TMEM65: variants seen among roughly 807,000 people sequenced by gnomAD.
TMEM65 encodes transmembrane protein 65.
Under a neutral mutation model 25.4 loss-of-function variants are expected in TMEM65, and 22 were observed. The observed-to-expected ratio is 0.86, with a 90% CI of 0.62 to 1.23. TMEM65 has a LOEUF of 1.23. Among genes scored for constraint, TMEM65 ranks in the 50% most tolerant of loss-of-function variants. The probability of loss-of-function intolerance (pLI) is 0.00; values close to 1 mark genes in which losing one functional copy is unlikely to be tolerated. For synonymous variants in TMEM65, 132 were observed against 126.2 expected, an observed-to-expected ratio of 1.05 and a Z score of -0.31; for missense variants, 262 against 308.2, an observed-to-expected ratio of 0.85 and a Z score of 1.12.
chr8:124,368,516 A>T (rs1208117461), intron 1 of TMEM65, among the ~76,000 whole-genome samples: 1 of 152,234 alleles, frequency 6.6e-6, no homozygotes, highest in Non-Finnish European at 1.5e-5. Flanking sequence ...ACTGTGTTAT[A>T]AAAGTCTGTG....
intron 1 of TMEM65, among the ~76,000 whole-genome samples, chr8:124,367,975 T>C (rs1429132153): frequency 6.6e-6 from 1 of 152,226 alleles, no homozygotes; most frequent in African/African-American, 2.4e-5. Context: ...TAAGTATACA[T>C]ATTATAACAA....
chr8:124,321,463 G>T lies in TMEM65; in HGVS notation c.515+642C>A, dbSNP rs182739865. ...AGCAACTCAGGCCATCTGCTACTTG[G>T]AACAAGAATGTAAAGAGAGAGAGAA... On this transcript the variant is annotated intron_variant, in intron 5 of 6. Transcript: ENST00000297632. 3.3e-5 allele frequency among the ~76,000 whole-genome samples: 5 copies of T among 152,090 alleles called. No individual in the cohort carries two copies. In the East Asian group the frequency reaches 9.7e-4, roughly 29 times the overall value.
chr8:124,341,824 GT>G (rs570798183), intron 1 of TMEM65, among the ~76,000 whole-genome samples: 124 of 143,702 alleles, frequency 8.6e-4, no homozygotes, highest in African/African-American at 2.1e-3. Context: ...TCTTAATAAA[GT>G]TTTTTTTTTT....
intron 4 of TMEM65, among the ~76,000 whole-genome samples, 183 bp from the exon 5 acceptor site, chr8:124,322,330 T>G (rs1814313836): frequency 6.6e-6 from 1 of 152,164 alleles, no homozygotes; most frequent in African/African-American, 2.4e-5. Flanking sequence ...ATTTTGAAAT[T>G]ATGCTATTCT....
At chr8:124,351,286 G>T (rs1311840948) in intron 1 of TMEM65, among the ~76,000 whole-genome samples, 1 of 152,098 alleles carries the variant, frequency 6.6e-6, no homozygotes. Flanking sequence ...AACTTAAACT[G>T]TGCAAAGCAG....
chr8:124,355,732 G>C (rs1563598239), intron 1 of TMEM65, among the ~76,000 whole-genome samples: 1 of 152,188 alleles, frequency 6.6e-6, no homozygotes, highest in African/African-American at 2.4e-5. Context: ...TGAAGTCACA[G>C]AGCAATCAAC....
chr8:124,318,166 AC>A (rs1193546290), intron 6 of TMEM65, among the ~76,000 whole-genome samples: 1 of 152,040 alleles, frequency 6.6e-6, no homozygotes, highest in African/African-American at 2.4e-5. Flanking sequence ...CCTCACAGCC[AC>A]AAAAAAATTA....
chr8:124,372,383 G>C lies in TMEM65; in HGVS notation c.-226C>G, dbSNP rs1291968651. On this transcript the variant is annotated 5_prime_UTR_variant, in exon 1 of 7. Coordinates refer to ENST00000297632, the MANE Select transcript of TMEM65 (RefSeq NM_194291.3). Reference sequence around the variant, plus strand: ...GCGGCGGCTCCCGCCCCTCCGATGGGAAAAACTTTCTCTGAGACGGCCGGG... The same window carrying C: ...GCGGCGGCTCCCGCCCCTCCGATGGCAAAAACTTTCTCTGAGACGGCCGGG... The C allele has an allele frequency of 4.7e-6, 1 of 214,586 alleles. No homozygotes were observed. The highest frequency in any genetic ancestry group is 1.4e-4 in the East Asian group (1 of 7,234). The allele number at this position is 214,586 out of a possible 1,614,324, so 13.3% of individuals were successfully genotyped here. A position where few individuals can be genotyped will look rare whatever the true frequency, so the allele number is the denominator to read the frequency against.
At chr8:124,332,500 C>A (rs1313068213) in intron 1 of TMEM65, among the ~76,000 whole-genome samples, 1 of 151,770 alleles carries the variant, frequency 6.6e-6, no homozygotes, top group Non-Finnish European at 1.5e-5. Flanking sequence ...AAGGGCTAGG[C>A]AAGTAAAAAA....
At position 124,310,908 on chromosome 8, in the gene TMEM65, A is replaced by G. The variant is rs182779292; in HGVS notation, c.*3052T>C. 1 of 152,212 alleles carries G rather than the reference A, an allele frequency of 6.6e-6. No individual in the cohort carries two copies. Among genetic ancestry groups the G allele is most frequent in the Non-Finnish European group, 1.5e-5 (1 of 67,998 alleles). 9.4% of individuals were successfully genotyped at this position (152,212 alleles called of 1,614,324 possible). A position where few individuals can be genotyped will look rare whatever the true frequency, so the allele number is the denominator to read the frequency against. On this transcript the variant is annotated 3_prime_UTR_variant, in exon 7 of 7. Transcript: ENST00000297632. ...TTACCACACAATAATAATATACATA[A>G]AGATAATGCTTAGCCACTAAGAAAA...
At chr8:124,344,331 CATTTTT>C (rs766183642) in intron 1 of TMEM65, among the ~76,000 whole-genome samples, 35 of 152,162 alleles carry the variant, frequency 2.3e-4, no homozygotes, top group Non-Finnish European at 4.4e-4. Context: ...TCTAAATAGG[CATTTTT>C]ATTTTTATTT....
At chr8:124,368,462 C>A (rs558259123) in intron 1 of TMEM65, among the ~76,000 whole-genome samples, 1 of 152,170 alleles carries the variant, frequency 6.6e-6, no homozygotes, top group African/African-American at 2.4e-5. Context: ...GTAGTACTCT[C>A]CCACAATGTG....
chr8:124,358,969 CAG>C (rs1814822925), intron 1 of TMEM65, among the ~76,000 whole-genome samples: 1 of 152,136 alleles, frequency 6.6e-6, no homozygotes, highest in South Asian at 2.1e-4. Flanking sequence ...GAAGTTGTGA[CAG>C]AAACTGGACT....
At chr8:124,361,999 T>A (rs1814871115) in intron 1 of TMEM65, among the ~76,000 whole-genome samples, 1 of 151,810 alleles carries the variant, frequency 6.6e-6, no homozygotes, top group East Asian at 2.0e-4. Flanking sequence ...CAAGCACTTC[T>A]CCTGCCTCAG....
intron 1 of TMEM65, among the ~76,000 whole-genome samples, chr8:124,337,596 C>T (rs1303263341): frequency 3.9e-5 from 6 of 151,948 alleles, no homozygotes; most frequent in Non-Finnish European, 5.9e-5. Flanking sequence ...ATATAAATTT[C>T]TTTCCTTTAG....
intron 1 of TMEM65, among the ~76,000 whole-genome samples, chr8:124,331,939 C>G (rs1199180556): frequency 6.6e-6 from 1 of 152,050 alleles, no homozygotes; most frequent in Non-Finnish European, 1.5e-5. Flanking sequence ...TGGTATTTTC[C>G]AAGTTCCATA....
At chr8:124,339,763 G>A (rs1814563663) in intron 1 of TMEM65, among the ~76,000 whole-genome samples, 1 of 151,814 alleles carries the variant, frequency 6.6e-6, no homozygotes, top group Admixed American at 6.6e-5. Flanking sequence ...TTTTCAAAGT[G>A]GTTTCCCCTA....
chr8:124,371,803 A>G (rs1815018604), intron 1 of TMEM65, 51 bp downstream of exon 1: 1 of 1,471,342 alleles, frequency 6.8e-7, no homozygotes, highest in Non-Finnish European at 9.0e-7. Context: ...GGCTGGCGAG[A>G]AGAGGAGGGC....
chr8:124,351,090 G>A (rs1208107445), intron 1 of TMEM65: 2 of 984,768 alleles, frequency 2.0e-6, no homozygotes, highest in Non-Finnish European at 2.4e-6. Flanking sequence ...GCTTCACAAT[G>A]GCAATCTCAG....
Sources: allele counts gnomAD v4.1 joint callset (sites outside exome capture counted in the v4.1 genomes callset), GRCh38; gene constraint gnomAD v4.1.1; transcripts MANE v1.5; gene names NCBI Gene and HGNC (gene_info 2026-07-23, HGNC 2026-07-21).